Variants in SLC2A13 observed in about 807,000 individuals in gnomAD.
SLC2A13 encodes the protein proton myo-inositol cotransporter.
Under a neutral mutation model 64.4 loss-of-function variants are expected in SLC2A13, and 32 were observed. The observed-to-expected ratio is 0.50, with a 90% CI of 0.37 to 0.67. The LOEUF is 0.67. SLC2A13 is among the 30% of genes least tolerant of loss of function. SLC2A13 has a pLI of 0.00. For missense variants in SLC2A13, 743 were observed against 829.2 expected (o/e 0.90, Z 1.28); for synonymous variants, 338 against 327.1 (o/e 1.03, Z -0.36).
intron 3 of SLC2A13, 77 bp from the exon 4 acceptor site, chr12:39,951,442 A>C: frequency 6.8e-6 from 8 of 1,168,414 alleles, no homozygotes; most frequent in Non-Finnish European, 9.3e-6. Context: ...AATAGGACAA[A>C]TTTTCCTAAA....
rs543115271 is a variant in SLC2A13, at chr12:40,098,711, T to C, written c.556+6542A>G. ...GATCATGAGAAAGTTACTTCAACTC[T>C]TTCTGCCTAAATATCCTTATCTTAA... On this transcript the variant is annotated intron_variant, in intron 1 of 9. Coordinates refer to ENST00000280871, the MANE Select transcript of SLC2A13 (RefSeq NM_052885.4). Among the ~76,000 whole-genome samples, 30 of 152,346 alleles carry C rather than the reference T, an allele frequency of 2.0e-4. No individual in the cohort carries two copies. The East Asian group carries it at 5.0e-3, about 25-fold the overall frequency.
At chr12:39,976,022 G>A (rs557494754) in intron 3 of SLC2A13, among the ~76,000 whole-genome samples, 1 of 152,246 alleles carries the variant, frequency 6.6e-6, no homozygotes, top group Non-Finnish European at 1.5e-5. Context: ...AATCAGATAC[G>A]TGAAACACAG....
chr12:39,870,876 T>C (rs926366309), intron 5 of SLC2A13, among the ~76,000 whole-genome samples: 2 of 152,190 alleles, frequency 1.3e-5, no homozygotes, highest in African/African-American at 4.8e-5. Context: ...ACTTAGAATG[T>C]ATTTTCTCAT....
In SLC2A13 at chr12:40,060,067, A is replaced by G. The variant is rs552834601; in HGVS notation, c.557-11857T>C. Among the ~76,000 whole-genome samples the G allele has an allele frequency of 3.9e-5, 6 of 152,210 alleles. No homozygotes were observed. The South Asian group carries it at 1.2e-3, about 32-fold the overall frequency. On this transcript the variant is annotated intron_variant, in intron 1 of 9. Coordinates refer to ENST00000280871, the MANE Select transcript of SLC2A13 (RefSeq NM_052885.4). ...AGCCAGAAATTGTGGATGAAAATCT[A>G]TATTAATGGACGGATGGATGGATGG...
At chr12:40,003,918 A>C (rs550471439) in intron 3 of SLC2A13, among the ~76,000 whole-genome samples, 4 of 151,994 alleles carry the variant, frequency 2.6e-5, no homozygotes, top group Admixed American at 2.0e-4. Flanking sequence ...GCTAGAACCC[A>C]GGAGGCAGAG....
intron 3 of SLC2A13, among the ~76,000 whole-genome samples, chr12:39,989,825 G>C (rs1279540586): frequency 6.6e-6 from 1 of 152,000 alleles, no homozygotes; most frequent in Non-Finnish European, 1.5e-5. Context: ...TCAAGGTTTG[G>C]GTAAACAAAA....
At chr12:40,002,010 T>TG (rs1390365337) in intron 3 of SLC2A13, among the ~76,000 whole-genome samples, 1 of 152,248 alleles carries the variant, frequency 6.6e-6, no homozygotes, top group Non-Finnish European at 1.5e-5. Context: ...GTGATCTTAC[T>TG]GGTCTACCGC....
chr12:39,801,226 CCCT>C (rs1941779108), intron 7 of SLC2A13, among the ~76,000 whole-genome samples: 1 of 75,492 alleles, frequency 1.3e-5, no homozygotes, highest in Non-Finnish European at 3.2e-5. Flanking sequence ...TGCACATGTA[CCCT>C]AAAACTTAGA....
chr12:40,028,605 T>C, intron 2 of SLC2A13, 96 bp from the exon 3 acceptor site: 5 of 1,148,858 alleles, frequency 4.4e-6, no homozygotes, highest in Non-Finnish European at 6.1e-6. Flanking sequence ...CAATAATACT[T>C]ACTGTGAAGT....
chr12:39,786,034 A>G (rs1037241351), intron 7 of SLC2A13, among the ~76,000 whole-genome samples: 3 of 152,106 alleles, frequency 2.0e-5, no homozygotes, highest in African/African-American at 7.2e-5. Context: ...CTTTTGAGTT[A>G]ATGCTGAAAT....
chr12:39,903,760 C>G (rs1945198141), intron 4 of SLC2A13, among the ~76,000 whole-genome samples: 1 of 152,006 alleles, frequency 6.6e-6, no homozygotes, highest in Non-Finnish European at 1.5e-5. Context: ...AAGCTCTATT[C>G]CTAGATTGTT....
chr12:40,105,941 G>T lies in SLC2A13; in HGVS notation c.-133C>A. 8.8e-7 allele frequency: 1 copy of T among 1,133,286 alleles called. No individual in the cohort carries two copies. 70.2% of individuals were successfully genotyped at this position (1,133,286 alleles called of 1,614,324 possible). On this transcript the variant is annotated 5_prime_UTR_variant, in exon 1 of 10. Transcript: ENST00000280871. This position sits in a 1 kb window ranked among gnomAD's most constrained non-coding sequence, Gnocchi z 4.2. Reference sequence around the variant, plus strand: ...CTTCCTCCCGGCTTCCGCTCCGGCTGCCACGGCAGCAGCCGCCGCCACGGC... The same window carrying T: ...CTTCCTCCCGGCTTCCGCTCCGGCTTCCACGGCAGCAGCCGCCGCCACGGC...
intron 3 of SLC2A13, among the ~76,000 whole-genome samples, chr12:39,997,097 A>G (rs1947243983): frequency 6.6e-6 from 1 of 152,218 alleles, no homozygotes; most frequent in South Asian, 2.1e-4. Flanking sequence ...AAGCAAAAAG[A>G]ATAAATCTGG....
chr12:40,099,900 GAA>G (rs28365177), intron 1 of SLC2A13, among the ~76,000 whole-genome samples: 1 of 146,212 alleles, frequency 6.8e-6, no homozygotes, highest in Non-Finnish European at 1.5e-5. Context: ...GGGAGTAGTG[GAA>G]AAAAAAAAAA....
intron 4 of SLC2A13, among the ~76,000 whole-genome samples, chr12:39,944,443 A>C (rs539752999): frequency 6.6e-6 from 1 of 152,364 alleles, no homozygotes; most frequent in Non-Finnish European, 1.5e-5. Flanking sequence ...TCAGTGGAGT[A>C]CTGAAGTCTC....
At chr12:39,866,531 T>C (rs928912766) in intron 5 of SLC2A13, among the ~76,000 whole-genome samples, 1 of 152,012 alleles carries the variant, frequency 6.6e-6, no homozygotes, top group Non-Finnish European at 1.5e-5. Flanking sequence ...CTGGTTGGAG[T>C]GCAGTGGCGC....
At chr12:39,879,381 C>T (rs981311044) in intron 4 of SLC2A13, among the ~76,000 whole-genome samples, 1 of 152,214 alleles carries the variant, frequency 6.6e-6, no homozygotes, top group Non-Finnish European at 1.5e-5. Flanking sequence ...CTGGAAAAGC[C>T]ATAGGCATTC....
At position 40,028,522 on chromosome 12, in the gene SLC2A13, A is replaced by C; in HGVS notation, c.717-13T>G. 1 of 1,611,600 alleles carries C rather than the reference A, an allele frequency of 6.2e-7. No individual in the cohort carries two copies. Among genetic ancestry groups the C allele is most frequent in the Non-Finnish European group, 8.5e-7 (1 of 1,179,148 alleles). On this transcript the variant is annotated splice_polypyrimidine_tract_variant and intron_variant, in intron 2 of 9. Transcript: ENST00000280871. ...TCCCAACATGTACCTGCAAAGAAAA[A>C]AAATCCACATTTACTGTAAAATTTG...
chr12:39,956,726 T>C (rs1946319480), intron 3 of SLC2A13, among the ~76,000 whole-genome samples: 1 of 152,214 alleles, frequency 6.6e-6, no homozygotes, highest in Non-Finnish European at 1.5e-5. Context: ...TCAAGGTTTT[T>C]CTTGCTCTTA....
Sources: gnomAD v4.1 joint callset for allele counts (sites outside exome capture counted in the v4.1 genomes callset) on GRCh38, gnomAD v4.1.1 for gene constraint, Gnocchi (gnomAD v3.1) non-coding constraint, MANE v1.5 for transcripts, NCBI Gene and HGNC (gene_info 2026-07-23, HGNC 2026-07-21) for gene names.